The following LYPLAL1 variants were observed in gnomAD, a reference collection of about 807,000 sequenced individuals.
LYPLAL1 encodes lysophospholipase-like protein 1.
Under a neutral mutation model 19.7 loss-of-function variants are expected in LYPLAL1, and 23 were observed. The observed-to-expected ratio is 1.17, with a 90% CI of 0.84 to 1.65. The LOEUF (loss-of-function observed/expected upper bound fraction) is 1.65. Among genes scored for constraint, LYPLAL1 ranks in the 40% most tolerant of loss-of-function variants. LYPLAL1 has a pLI of 0.00. For missense variants in LYPLAL1, 355 were observed against 279.4 expected (o/e 1.27, Z -1.93); for synonymous variants, 119 against 96.3 (o/e 1.24, Z -1.38).
chr1:219,436,036 G>T, the LYPLAL1 span, among the ~76,000 whole-genome samples: 1 of 152,120 alleles, frequency 6.6e-6, no homozygotes, highest in Non-Finnish European at 1.5e-5. Context: ...CCTATTACAA[G>T]AAGCTTCACA....
intron 3 of LYPLAL1, among the ~76,000 whole-genome samples, chr1:219,203,661 G>A (rs191275555): frequency 5.3e-5 from 8 of 152,194 alleles, no homozygotes; most frequent in Admixed American, 3.9e-4. Context: ...AGAAAGCAAG[G>A]GACACATTAA....
At chr1:219,313,870 T>TGTGC in the LYPLAL1 span, among the ~76,000 whole-genome samples, 1 of 152,172 alleles carries the variant, frequency 6.6e-6, no homozygotes, top group Non-Finnish European at 1.5e-5. Context: ...GCAAGTCTGT[T>TGTGC]ACATAGGTAA....
At chr1:219,224,938 C>T in the LYPLAL1 span, among the ~76,000 whole-genome samples, 1 of 152,168 alleles carries the variant, frequency 6.6e-6, no homozygotes, top group Admixed American at 6.5e-5. Flanking sequence ...GTTTGATTAA[C>T]CTCCGATTCT....
At chr1:219,406,048 A>G in the LYPLAL1 span, among the ~76,000 whole-genome samples, 1 of 152,182 alleles carries the variant, frequency 6.6e-6, no homozygotes, top group East Asian at 1.9e-4. Flanking sequence ...CCAGCTCTGC[A>G]TGTCCCCAGC....
chr1:219,431,071 A>C, the LYPLAL1 span, among the ~76,000 whole-genome samples: 48 of 152,294 alleles, frequency 3.2e-4, no homozygotes, highest in South Asian at 1.0e-2. Flanking sequence ...TGCCTTATTT[A>C]ATTTTGTGTA....
At chr1:219,396,458 T>C in the LYPLAL1 span, among the ~76,000 whole-genome samples, 1 of 152,222 alleles carries the variant, frequency 6.6e-6, no homozygotes, top group East Asian at 1.9e-4. Context: ...CAGGTTTTTC[T>C]AGTTCTATGA....
chr1:219,402,860 T>G, the LYPLAL1 span, among the ~76,000 whole-genome samples: 1 of 152,092 alleles, frequency 6.6e-6, no homozygotes, highest in African/African-American at 2.4e-5. Context: ...AAAAGGGTTA[T>G]TATGTTTTGG....
chr1:219,382,325 C>T, the LYPLAL1 span, among the ~76,000 whole-genome samples: 1 of 152,168 alleles, frequency 6.6e-6, no homozygotes, highest in Non-Finnish European at 1.5e-5. Flanking sequence ...AGCTTTTCCT[C>T]ATTGCAAACT....
chr1:219,210,944 C>T (rs1184212101), intron 4 of LYPLAL1, among the ~76,000 whole-genome samples: 2 of 152,110 alleles, frequency 1.3e-5, no homozygotes, highest in Non-Finnish European at 2.9e-5. Flanking sequence ...CATATTAAAA[C>T]TGCATGATGG....
chr1:219,260,541 G>T, the LYPLAL1 span, among the ~76,000 whole-genome samples: 3 of 151,000 alleles, frequency 2.0e-5, no homozygotes, highest in Non-Finnish European at 3.0e-5. Flanking sequence ...CAGAACTGGA[G>T]ATACTTAGTA....
At chr1:219,209,257 A>G (rs147241678) in intron 3 of LYPLAL1, among the ~76,000 whole-genome samples, 142 of 152,200 alleles carry the variant, frequency 9.3e-4, no homozygotes, top group African/African-American at 3.2e-3. Flanking sequence ...CCTTTTTTAA[A>G]AAATCTAAAC....
the LYPLAL1 span, among the ~76,000 whole-genome samples, chr1:219,306,347 A>G: frequency 6.6e-6 from 1 of 152,136 alleles, no homozygotes; most frequent in African/African-American, 2.4e-5. Context: ...GAGCCCAGGT[A>G]TTTGGTTTAT....
the LYPLAL1 span, among the ~76,000 whole-genome samples, chr1:219,415,519 A>G: frequency 2.0e-5 from 3 of 152,240 alleles, no homozygotes; most frequent in African/African-American, 7.2e-5. Context: ...TTGCCATCAT[A>G]AACCAAGCAT....
the LYPLAL1 span, chr1:219,271,762 A>G: frequency 7.2e-5 from 11 of 152,214 alleles, no homozygotes; most frequent in Non-Finnish European, 1.6e-4. Flanking sequence ...TAACTTTACA[A>G]AAGGCATGAT....
chr1:219,211,499 A>T lies in LYPLAL1; in HGVS notation c.485A>T (p.Gln162Leu), dbSNP rs769374112. 1.9e-6 allele frequency: 3 copies of T among 1,593,334 alleles called. No individual in the cohort carries two copies. Among genetic ancestry groups the T allele is most frequent in the African/African-American group, 2.7e-5 (2 of 74,148 alleles). Residue 162 changes from glutamine (Q) to leucine (L), a missense_variant, in exon 5 of 5, where the codon CAG becomes CTG. Transcript: ENST00000366928. ...TTGTATCTTCTTCTCTAGGCTCTTC[A>T]GAAGAGTAATGGTGTACTTCCTGAA... is the stretch of plus-strand genomic sequence containing the variant. ...NKASAVYQAL[Q>L]KSNGVLPELF...
the LYPLAL1 span, among the ~76,000 whole-genome samples, chr1:219,404,668 C>T: frequency 1.3e-5 from 2 of 152,102 alleles, no homozygotes; most frequent in Non-Finnish European, 2.9e-5. Flanking sequence ...TTCAAAAATA[C>T]AGTTAGATAG....
intron 1 of LYPLAL1, among the ~76,000 whole-genome samples, chr1:219,174,628 C>T (rs1655662163): frequency 6.6e-6 from 1 of 152,148 alleles, no homozygotes; most frequent in Non-Finnish European, 1.5e-5. Flanking sequence ...CCCTTAGTAA[C>T]GTGTGCTTAA....
At chr1:219,418,393 C>T in the LYPLAL1 span, among the ~76,000 whole-genome samples, 1 of 152,158 alleles carries the variant, frequency 6.6e-6, no homozygotes, top group African/African-American at 2.4e-5. Flanking sequence ...CCAATGAAAA[C>T]TTGAAACTTC....
the LYPLAL1 span, among the ~76,000 whole-genome samples, chr1:219,248,581 C>T: frequency 1.3e-5 from 2 of 152,020 alleles, no homozygotes; most frequent in African/African-American, 2.4e-5. Flanking sequence ...TGAAAGTTGT[C>T]AAGACTGTGT....
Sources: gnomAD v4.1 joint callset for allele counts (sites outside exome capture counted in the v4.1 genomes callset) on GRCh38, gnomAD v4.1.1 for gene constraint, MANE v1.5 for transcripts, NCBI Gene and HGNC (gene_info 2026-07-23, HGNC 2026-07-21) for gene names.